The following MACO1 variants were observed in gnomAD, a reference collection of about 807,000 sequenced individuals.
The protein encoded by MACO1 is macoilin.
A neutral mutation model predicts 78.7 loss-of-function variants in MACO1; 14 were observed. That is an observed-to-expected ratio of 0.18 (90% CI 0.12 to 0.28). MACO1 has a LOEUF of 0.28. MACO1 is among the 10% of genes least tolerant of loss of function. MACO1 has a pLI of 1.00. For missense variants in MACO1, 501 were observed against 799.0 expected, an observed-to-expected ratio of 0.63 and a Z score of 4.50; for synonymous variants, 288 against 291.6, an observed-to-expected ratio of 0.99 and a Z score of 0.12.
At chr1:25,468,435 T>C (rs1213807680) in intron 6 of MACO1, among the ~76,000 whole-genome samples, 10 of 152,174 alleles carry the variant, frequency 6.6e-5, no homozygotes. Flanking sequence ...ACCATTAACC[T>C]GGTTCCTCAT....
intron 3 of MACO1, among the ~76,000 whole-genome samples, chr1:25,451,961 G>A (rs945479523): frequency 4.9e-4 from 74 of 151,152 alleles, no homozygotes; most frequent in Non-Finnish European, 8.7e-4. Context: ...AAAAAAAAAA[G>A]AAAAGGAAAA....
At chr1:25,495,076 G>C (rs568937932) in intron 10 of MACO1, among the ~76,000 whole-genome samples, 1 of 152,154 alleles carries the variant, frequency 6.6e-6, no homozygotes, top group Non-Finnish European at 1.5e-5. Context: ...CTTTGAAGCC[G>C]AGCTTCTGAC....
chr1:25,489,323 A>T, intron 9 of MACO1, 30 bp downstream of exon 9: 1 of 1,609,158 alleles, frequency 6.2e-7, no homozygotes, highest in South Asian at 1.1e-5. Context: ...CTTCCCTTGT[A>T]TTTGAATTCC....
At chr1:25,431,594 C>T (rs1216773684) in intron 1 of MACO1, among the ~76,000 whole-genome samples, 1 of 151,952 alleles carries the variant, frequency 6.6e-6, no homozygotes, top group Non-Finnish European at 1.5e-5. Context: ...GCTTGCCGGC[C>T]GGAGCCAGGA....
chr1:25,453,489 C>T (rs1363244055), intron 3 of MACO1, among the ~76,000 whole-genome samples: 1 of 150,482 alleles, frequency 6.6e-6, no homozygotes, highest in Non-Finnish European at 1.5e-5. Flanking sequence ...CGGTGAAACC[C>T]TGTCTCTACT....
chr1:25,461,583 T>C (rs1306971261), intron 6 of MACO1, among the ~76,000 whole-genome samples: 1 of 151,022 alleles, frequency 6.6e-6, no homozygotes, highest in African/African-American at 2.4e-5. Flanking sequence ...TTCCCCCCCC[T>C]CAAAAAAAAG....
At chr1:25,432,318 A>G (rs1477036977) in intron 1 of MACO1, among the ~76,000 whole-genome samples, 2 of 152,220 alleles carry the variant, frequency 1.3e-5, no homozygotes, top group Non-Finnish European at 2.9e-5. Flanking sequence ...ATTGCTTTCC[A>G]CAAGCAGCTG....
intron 8 of MACO1, 95 bp from the exon 9 acceptor site, chr1:25,489,078 C>T (rs2043460486): frequency 6.9e-7 from 1 of 1,456,448 alleles, no homozygotes; most frequent in Admixed American, 2.4e-5. Context: ...GCCTCGGCCT[C>T]CCAAAGTGCT....
At chr1:25,457,951 T>G (rs1180417772) in intron 5 of MACO1, among the ~76,000 whole-genome samples, 1 of 152,218 alleles carries the variant, frequency 6.6e-6, no homozygotes, top group Non-Finnish European at 1.5e-5. Context: ...TTTTGTTTCA[T>G]TTAACCTCTT....
At chr1:25,435,454 A>G (rs1033049454) in intron 1 of MACO1, among the ~76,000 whole-genome samples, 1 of 152,124 alleles carries the variant, frequency 6.6e-6, no homozygotes, top group Non-Finnish European at 1.5e-5. Context: ...CATTCTTCTC[A>G]ACTTCCCAAT....
chr1:25,484,721 T>G (rs1321483739), intron 7 of MACO1, among the ~76,000 whole-genome samples: 6 of 152,222 alleles, frequency 3.9e-5, no homozygotes, highest in Non-Finnish European at 8.8e-5. Context: ...TCTGTGTGAA[T>G]TCATTTAGGC....
Position 25,498,386 on chromosome 1 carries a change from C to G in MACO1, c.1915C>G (p.His639Asp). Reference sequence around the variant, plus strand: ...CAGCCCCCTGAGCCCTGTTTCCCCCCACTACTCTTCCAAATTTGTGGAGAC... The same window carrying G: ...CAGCCCCCTGAGCCCTGTTTCCCCCGACTACTCTTCCAAATTTGTGGAGAC... ...ATSPLSPVSP[H>D]YSSKFVETSP... The change falls in exon 11 of 11, where the codon CAC becomes GAC. Residue 639 changes from histidine to aspartate, a missense_variant. Coordinates refer to ENST00000374343, the MANE Select transcript of MACO1 (RefSeq NM_018202.6). The G allele has an allele frequency of 1.2e-6, 2 of 1,614,080 alleles. No individual in the cohort carries two copies. Among genetic ancestry groups the G allele is most frequent in the Non-Finnish European group, 1.7e-6 (2 of 1,180,020 alleles).
chr1:25,440,003 C>A (rs1204537012), intron 1 of MACO1, among the ~76,000 whole-genome samples: 1 of 107,518 alleles, frequency 9.3e-6, no homozygotes, highest in African/African-American at 3.1e-5. Flanking sequence ...GGGCAACAAG[C>A]GAAACTCTGT....
chr1:25,455,855 A>C (rs565521310), intron 4 of MACO1, among the ~76,000 whole-genome samples: 2 of 152,278 alleles, frequency 1.3e-5, no homozygotes, highest in South Asian at 4.1e-4. Flanking sequence ...TAGTCACCTG[A>C]ATTTGACCCT....
intron 3 of MACO1, among the ~76,000 whole-genome samples, chr1:25,450,821 A>G (rs530484298): frequency 1.3e-5 from 2 of 152,270 alleles, no homozygotes; most frequent in East Asian, 3.9e-4. Flanking sequence ...GCTGCCTTTT[A>G]CACTCGTCAC....
rs2043442046 is a variant in MACO1 at position 25,487,268 on chromosome 1, C to G, written c.1496+1473C>G. On this transcript the variant is annotated intron_variant, in intron 8 of 10. Coordinates refer to ENST00000374343, the MANE Select transcript of MACO1 (RefSeq NM_018202.6). The stretch of plus-strand genomic sequence containing the variant: ...ACCCAGGTTCAAGCGATTCTCCTGC[C>G]TCAGCCTCCCAAGTAGCTGGGATTA... Among the ~76,000 whole-genome samples, 3 of 152,334 alleles carry G rather than the reference C, an allele frequency of 2.0e-5. No individual in the cohort carries two copies. In the South Asian group the frequency reaches 6.2e-4, roughly 32 times the overall value.
intron 1 of MACO1, among the ~76,000 whole-genome samples, chr1:25,442,929 G>C (rs1278907428): frequency 6.6e-6 from 1 of 152,108 alleles, no homozygotes; most frequent in Admixed American, 6.5e-5. Flanking sequence ...ATAGTTATTA[G>C]CAAATTTATT....
intron 6 of MACO1, among the ~76,000 whole-genome samples, chr1:25,482,462 T>G (rs544366832): frequency 6.6e-6 from 1 of 152,182 alleles, no homozygotes; most frequent in Non-Finnish European, 1.5e-5. Context: ...CAAGCTTTTC[T>G]CAGAAGCCAG....
chr1:25,489,995 T>A (rs1372831196), intron 9 of MACO1, among the ~76,000 whole-genome samples: 2 of 151,922 alleles, frequency 1.3e-5, no homozygotes, highest in Non-Finnish European at 2.9e-5. Flanking sequence ...AGAAAAAAAA[T>A]TAGAAACTCA....
Sources: gnomAD v4.1 joint callset for allele counts (sites outside exome capture counted in the v4.1 genomes callset) on GRCh38, gnomAD v4.1.1 for gene constraint, MANE v1.5 for transcripts, NCBI Gene and HGNC (gene_info 2026-07-23, HGNC 2026-07-21) for gene names.